MGAT5: variants seen among roughly 807,000 people sequenced by gnomAD.
MGAT5 encodes the protein alpha-1,6-mannosylglycoprotein 6-beta-N-acetylglucosaminyltransferase A.
A neutral mutation model predicts 94.3 loss-of-function variants in MGAT5; 30 were observed. That is an observed-to-expected ratio of 0.32 (90% CI 0.24 to 0.43). The LOEUF is 0.43. Ranked by LOEUF, MGAT5 falls within the 20% of genes least tolerant of loss-of-function variation. The probability of loss-of-function intolerance (pLI) is 1.00; values close to 1 mark genes in which losing one functional copy is unlikely to be tolerated. For synonymous variants in MGAT5, 310 were observed against 322.9 expected, an observed-to-expected ratio of 0.96 and a Z score of 0.43; for missense variants, 691 against 905.5, an observed-to-expected ratio of 0.76 and a Z score of 3.04.
chr2:134,285,172 G>T (rs1452763587), intron 2 of MGAT5, among the ~76,000 whole-genome samples: 1 of 151,910 alleles, frequency 6.6e-6, no homozygotes, highest in Non-Finnish European at 1.5e-5. Context: ...ATAAGGCCAA[G>T]TTATGTAGGA....
intron 1 of MGAT5, among the ~76,000 whole-genome samples, chr2:134,130,088 G>A (rs1010258084): frequency 1.3e-5 from 2 of 152,154 alleles, no homozygotes; most frequent in Non-Finnish European, 2.9e-5. Context: ...GCGGAGGAGC[G>A]CCGGGTCCCC....
At chr2:134,283,707 G>A (rs1029596111) in intron 2 of MGAT5, among the ~76,000 whole-genome samples, 7 of 131,296 alleles carry the variant, frequency 5.3e-5, no homozygotes, top group Non-Finnish European at 7.8e-5. Context: ...GAATGTGGGT[G>A]TGTGGCTTTG....
chr2:134,226,347 T>G (rs1447552794), intron 1 of MGAT5, among the ~76,000 whole-genome samples: 1 of 152,224 alleles, frequency 6.6e-6, no homozygotes, highest in African/African-American at 2.4e-5. Flanking sequence ...ATATCTCCTT[T>G]TTGTCCATAA....
chr2:134,280,983 A>G (rs915919344), intron 2 of MGAT5, among the ~76,000 whole-genome samples: 1 of 152,228 alleles, frequency 6.6e-6, no homozygotes, highest in Non-Finnish European at 1.5e-5. Context: ...ACCTTGTGAA[A>G]GGGCTGTCCA....
intron 10 of MGAT5, among the ~76,000 whole-genome samples, chr2:134,387,521 C>T (rs1196653467): frequency 6.6e-6 from 1 of 150,882 alleles, no homozygotes; most frequent in Non-Finnish European, 1.5e-5. Context: ...TACCTAAGAT[C>T]GTTGTAAGGA....
At chr2:134,187,830 C>G (rs1262229313) in intron 1 of MGAT5, among the ~76,000 whole-genome samples, 1 of 151,914 alleles carries the variant, frequency 6.6e-6, no homozygotes, top group African/African-American at 2.4e-5. Context: ...AATTGCTACA[C>G]TAAACACACT....
At chr2:134,443,559 A>G (rs779796206) in intron 15 of MGAT5, among the ~76,000 whole-genome samples, 19 of 152,260 alleles carry the variant, frequency 1.2e-4, no homozygotes, top group Non-Finnish European at 2.4e-4. Context: ...CCCTGATTCC[A>G]CCATGAAAAC....
intron 9 of MGAT5, among the ~76,000 whole-genome samples, chr2:134,358,288 T>A: frequency 6.6e-6 from 1 of 151,948 alleles, no homozygotes; most frequent in East Asian, 1.9e-4. Flanking sequence ...ATCCACAAGC[T>A]TAGAAAAAAA....
chr2:134,150,747 A>G (rs1687130715), intron 1 of MGAT5, among the ~76,000 whole-genome samples: 1 of 152,266 alleles, frequency 6.6e-6, no homozygotes, highest in South Asian at 2.1e-4. Flanking sequence ...TTTTAACACA[A>G]GGAAACATAA....
intron 1 of MGAT5, among the ~76,000 whole-genome samples, chr2:134,123,787 C>T (rs191969582): frequency 1.3e-3 from 205 of 152,106 alleles, no homozygotes; most frequent in Non-Finnish European, 2.1e-3. Flanking sequence ...TAATTTTATA[C>T]GGGGGGATTG....
intron 1 of MGAT5, among the ~76,000 whole-genome samples, chr2:134,217,991 A>C (rs946290966): frequency 7.2e-5 from 11 of 152,226 alleles, no homozygotes; most frequent in African/African-American, 2.4e-4. Context: ...ACAGGTGATT[A>C]ATAAACACTG....
chr2:134,448,855 C>G lies in MGAT5; in HGVS notation c.*8C>G. 6.2e-7 allele frequency: 1 copy of G among 1,610,490 alleles called. No individual in the cohort carries two copies. The highest frequency in any genetic ancestry group is 8.5e-7 in the Non-Finnish European group (1 of 1,178,844). ...TGCAAAGACTGCCTATAGCAGCTACCTGCTCAGCCCTGCACCATGCTGCTG... is the reference window on the plus strand; with the variant it reads ...TGCAAAGACTGCCTATAGCAGCTACGTGCTCAGCCCTGCACCATGCTGCTG... On this transcript the variant is annotated 3_prime_UTR_variant, in exon 16 of 16. Transcript: ENST00000281923.
intron 1 of MGAT5, among the ~76,000 whole-genome samples, chr2:134,269,735 C>T (rs1267426648): frequency 2.6e-5 from 4 of 152,124 alleles, no homozygotes; most frequent in Non-Finnish European, 5.9e-5. Context: ...AATGTAAGAA[C>T]GATGAGAGTA....
intron 9 of MGAT5, among the ~76,000 whole-genome samples, chr2:134,351,351 A>G (rs1178858008): frequency 2.0e-5 from 3 of 152,146 alleles, no homozygotes; most frequent in African/African-American, 7.2e-5. Flanking sequence ...ATAGCCTAAG[A>G]AGTGACCTAT....
intron 8 of MGAT5, among the ~76,000 whole-genome samples, chr2:134,349,077 T>A (rs1056644414): frequency 4.6e-5 from 7 of 152,206 alleles, no homozygotes; most frequent in Non-Finnish European, 8.8e-5. Context: ...TTTATGTAAT[T>A]TGTACATGTC....
Position 134,248,677 on chromosome 2 carries a change from C to T in MGAT5, c.-142-5585C>T, listed in dbSNP as rs565728967. On this transcript the variant is annotated intron_variant, in intron 1 of 16. Transcript: ENST00000409645. ...TCTGGGAACCACTAAGTTAGAGCAG[C>T]GCTGTCCTATGTGAATGTGTGAATG... Among the ~76,000 whole-genome samples the T allele has an allele frequency of 9.7e-3, 822 of 84,560 alleles. 8 individuals carry two copies. Among genetic ancestry groups the T allele is most frequent in the African/African-American group, 0.043 (795 of 18,490 alleles). 55.5% of individuals were successfully genotyped at this position (84,560 alleles called of 152,430 possible).
Position 134,172,633 on chromosome 2 carries a change from G to A in MGAT5, c.-143+52342G>A, listed in dbSNP as rs543651472. ...GATCTCCTGACCTCGTGATTCTCCC[G>A]CCTCGACCTCCCAAAGTGCTGGGAT... On this transcript the variant is annotated intron_variant, in intron 1 of 16. Transcript: ENST00000409645. 7.2e-5 allele frequency among the ~76,000 whole-genome samples: 11 copies of A among 152,180 alleles called. No individual in the cohort carries two copies. The East Asian group carries it at 7.7e-4, about 11-fold the overall frequency.
At chr2:134,177,144 C>CGTGTGTATGTGTGTGT (rs1553488518) in intron 1 of MGAT5, among the ~76,000 whole-genome samples, 1 of 142,530 alleles carries the variant, frequency 7.0e-6, no homozygotes, top group Non-Finnish European at 1.5e-5. Flanking sequence ...CAAATGAACC[C>CGTGTGTATGTGTGTGT]GTGTGTGTGT....
intron 2 of MGAT5, among the ~76,000 whole-genome samples, chr2:134,293,985 C>G (rs534105570): frequency 4.3e-4 from 65 of 152,244 alleles, no homozygotes; most frequent in African/African-American, 1.3e-3. Context: ...CCCCTTTGTT[C>G]GTTGGCTTCC....
Sources: gnomAD v4.1 joint callset for allele counts (sites outside exome capture counted in the v4.1 genomes callset) on GRCh38, gnomAD v4.1.1 for gene constraint, MANE v1.5 for transcripts, NCBI Gene and HGNC (gene_info 2026-07-23, HGNC 2026-07-21) for gene names.